CXXC5: variants seen among roughly 807,000 people sequenced by gnomAD.
The protein encoded by CXXC5 is CXXC finger protein 5, also known as CXXC-type zinc finger protein 5.
In CXXC5, 2 loss-of-function variants were observed where a neutral mutation model predicts 17.6. That is an observed-to-expected ratio of 0.11 (90% CI 0.05 to 0.36). The LOEUF (loss-of-function observed/expected upper bound fraction) is 0.36. Among genes scored for constraint, CXXC5 ranks in the 10% least tolerant of loss-of-function variants. The pLI is 1.00. For missense variants in CXXC5, 343 were observed against 458.3 expected (o/e 0.75, Z 2.30); for synonymous variants, 171 against 193.0 (o/e 0.89, Z 0.94).
chr5:139,674,332 G>T (rs1471001147), intron 1 of CXXC5, among the ~76,000 whole-genome samples: 6 of 152,182 alleles, frequency 3.9e-5, no homozygotes, highest in Non-Finnish European at 8.8e-5. Flanking sequence ...CCCACCATCA[G>T]CCTGTCTGCG....
At chr5:139,679,196 CAGGCCCT>C (rs575505011) in intron 1 of CXXC5, among the ~76,000 whole-genome samples, 15 of 152,354 alleles carry the variant, frequency 9.8e-5, no homozygotes, top group Admixed American at 9.8e-4. Context: ...GACCTCCACC[CAGGCCCT>C]ACTCTGCAGG....
At chr5:139,675,528 T>G (rs1756734583) in intron 1 of CXXC5, 1 of 151,912 alleles carries the variant, frequency 6.6e-6, no homozygotes, top group Admixed American at 6.6e-5. Flanking sequence ...CACGGAGAGG[T>G]GACAGGCACG....
At chr5:139,660,906 C>A (rs1755766739) in intron 1 of CXXC5, among the ~76,000 whole-genome samples, 3 of 125,870 alleles carry the variant, frequency 2.4e-5, no homozygotes, top group Non-Finnish European at 3.2e-5. Flanking sequence ...GCGGGCCTGT[C>A]CCCTGAGGGG....
chr5:139,678,199 C>T (rs1756970415), intron 1 of CXXC5, among the ~76,000 whole-genome samples: 1 of 152,226 alleles, frequency 6.6e-6, no homozygotes, highest in Non-Finnish European at 1.5e-5. Context: ...GTTTTTGTCC[C>T]TGATCTCACT....
In CXXC5 at chr5:139,683,219, G is replaced by T; in HGVS notation, c.*312G>T. 3.8e-6 allele frequency: 1 copy of T among 265,428 alleles called. No homozygotes were observed. The highest frequency in any genetic ancestry group is 7.0e-5 in the East Asian group (1 of 14,326). 16.4% of individuals were successfully genotyped at this position (265,428 alleles called of 1,614,324 possible). On this transcript the variant is annotated 3_prime_UTR_variant, in exon 3 of 3. Transcript: ENST00000302517. ...AGAATGGACAATCAGTTTCCTTCCTGTGTCGATGTCGATGTTGTCTGTGCA... is the reference window on the plus strand; with the variant it reads ...AGAATGGACAATCAGTTTCCTTCCTTTGTCGATGTCGATGTTGTCTGTGCA...
chr5:139,675,477 T>G (rs1422189433), intron 1 of CXXC5: 1 of 151,994 alleles, frequency 6.6e-6, no homozygotes, highest in Non-Finnish European at 1.5e-5. Flanking sequence ...GTGCCCCAGG[T>G]GGGGGCACTC....
chr5:139,658,714 C>T lies in CXXC5; in HGVS notation c.-161+9869C>T, dbSNP rs1755622176. The stretch of plus-strand genomic sequence containing the variant: ...AGGGCCGGGCGGCTTCCCAGCTCCC[C>T]CTCTGACTCATGGCCGCCTGCAGCT... On this transcript the variant is annotated intron_variant, in intron 1 of 2. Coordinates refer to ENST00000302517, the MANE Select transcript of CXXC5 (RefSeq NM_016463.9). This position sits in a 1 kb window ranked among gnomAD's most constrained non-coding sequence, Gnocchi z 4.1. Among the ~76,000 whole-genome samples the T allele has an allele frequency of 6.6e-6, 1 of 152,376 alleles. No individual in the cohort carries two copies. Among genetic ancestry groups the T allele is most frequent in the South Asian group, 2.1e-4 (1 of 4,834 alleles).
intron 1 of CXXC5, among the ~76,000 whole-genome samples, chr5:139,667,162 A>T (rs527297324): frequency 6.6e-6 from 1 of 152,154 alleles, no homozygotes; most frequent in South Asian, 2.1e-4. Flanking sequence ...TCAAGGTCCA[A>T]CCCCAGTCTT....
Position 139,681,436 on chromosome 5 carries a change from G to T in CXXC5, c.913G>T (p.Ala305Ser). 6.3e-7 allele frequency: 1 copy of T among 1,576,844 alleles called. No individual in the cohort carries two copies. Residue 305 changes from alanine (A) to serine (S), a missense_variant, in exon 2 of 3, where the codon GCT (alanine) becomes TCT (serine). Around this residue, in one of 4 missense-constraint regions of CXXC5, gnomAD observed 23 missense variants for 31.0 expected, o/e 0.74. Transcript: ENST00000302517. ...TGAGGAACTCAAAAAGAAGCCTTCC[G>T]CTGCTCTGGAGGTAACGGCGCCTTA... ...KCEELKKKPSAALEKVMLPTG... is the reference protein window; with the variant it reads ...KCEELKKKPSSALEKVMLPTG...
chr5:139,681,329 G>A lies in CXXC5; in HGVS notation c.806G>A (p.Cys269Tyr). Residue 269 changes from cysteine (C) to tyrosine (Y), a missense_variant, in exon 2 of 3, where the codon TGC (cysteine) becomes TAC (tyrosine). By Grantham distance (194) the Cys-to-Tyr change is radical (BLOSUM62 -2). Around this residue, in one of 4 missense-constraint regions of CXXC5, gnomAD observed 21 missense variants for 41.0 expected, o/e 0.51. Transcript: ENST00000302517. ...KRKRCGMCAP[C>Y]RRRINCEQCS... ...AAACGCTGCGGCATGTGCGCGCCCTGCCGGCGGCGCATCAACTGCGAGCAG... is the reference window on the plus strand; with the variant it reads ...AAACGCTGCGGCATGTGCGCGCCCTACCGGCGGCGCATCAACTGCGAGCAG... 6.2e-7 allele frequency: 1 copy of A among 1,612,588 alleles called. No homozygotes were observed. The highest frequency in any genetic ancestry group is 8.5e-7 in the Non-Finnish European group (1 of 1,179,716).
intron 1 of CXXC5, among the ~76,000 whole-genome samples, chr5:139,660,499 A>G (rs1755736201): frequency 6.6e-6 from 1 of 152,190 alleles, no homozygotes; most frequent in Admixed American, 6.5e-5. Context: ...AGGGGACCTC[A>G]GCCCTTATCT....
intron 1 of CXXC5, among the ~76,000 whole-genome samples, chr5:139,657,080 G>A (rs1055323660): frequency 2.2e-4 from 34 of 152,222 alleles, no homozygotes; most frequent in Admixed American, 2.2e-3. Context: ...GTAGCCCAAC[G>A]AAAGTCCTCT....
chr5:139,670,813 C>A lies in CXXC5; in HGVS notation c.-160-9551C>A, dbSNP rs1756422008. On this transcript the variant is annotated intron_variant, in intron 1 of 2. Coordinates refer to ENST00000302517, the MANE Select transcript of CXXC5 (RefSeq NM_016463.9). The surrounding 1 kb of genome is among the most constrained non-coding windows in gnomAD (Gnocchi z 4.2). ...CATGATCCCCATATATGCTTTAATG[C>A]TGTGGTCTGTAGAGGGCGACATCTT... 6.6e-6 allele frequency among the ~76,000 whole-genome samples: 1 copy of A among 152,228 alleles called. No homozygotes were observed. Among genetic ancestry groups the A allele is most frequent in the African/African-American group, 2.4e-5 (1 of 41,450 alleles).
rs761821894 is a variant in CXXC5 at position 139,680,702 on chromosome 5, A to G, written c.179A>G (p.Asn60Ser). The change falls in exon 2 of 3, where the codon AAC (asparagine) becomes AGC (serine). Residue 60 changes from asparagine to serine, a missense_variant. This residue lies in a region of CXXC5 where 297 missense variants were observed against 363.4 expected (regional missense o/e 0.82). Coordinates refer to ENST00000302517, the MANE Select transcript of CXXC5 (RefSeq NM_016463.9). ...ADDTPPPERR[N>S]KSGIISEPLN... ...GACACACCACCCCCCGAGCGTCGGAACAAGAGCGGTATCATCAGTGAGCCC... is the reference window on the plus strand; with the variant it reads ...GACACACCACCCCCCGAGCGTCGGAGCAAGAGCGGTATCATCAGTGAGCCC... 3 of 1,613,436 alleles carry G rather than the reference A, an allele frequency of 1.9e-6. No individual in the cohort carries two copies. Among genetic ancestry groups the G allele is most frequent in the Admixed American group, 3.3e-5 (2 of 60,036 alleles).
chr5:139,670,860 C>G lies in CXXC5; in HGVS notation c.-160-9504C>G, dbSNP rs1756424896. On this transcript the variant is annotated intron_variant, in intron 1 of 2. Coordinates refer to ENST00000302517, the MANE Select transcript of CXXC5 (RefSeq NM_016463.9). This position sits in a 1 kb window ranked among gnomAD's most constrained non-coding sequence, Gnocchi z 4.2. ...TCTTGAGACTACACACTCAACCGGG[C>G]ACATTCACAGTCCACTGGACACACA... Among the ~76,000 whole-genome samples the G allele has an allele frequency of 6.6e-6, 1 of 152,214 alleles. No homozygotes were observed. The highest frequency in any genetic ancestry group is 2.1e-4 in the South Asian group (1 of 4,834).
chr5:139,680,696 G>T lies in CXXC5; in HGVS notation c.173G>T (p.Arg58Leu). ...SVADDTPPPE[R>L]RNKSGIISEP... ...GCAGATGACACACCACCCCCCGAGC[G>T]TCGGAACAAGAGCGGTATCATCAGT... The change falls in exon 2 of 3, where the codon CGT becomes CTT. Residue 58 changes from arginine to leucine, a missense_variant. Transcript: ENST00000302517. The T allele has an allele frequency of 1.2e-6, 2 of 1,613,420 alleles. No individual in the cohort carries two copies. The highest frequency in any genetic ancestry group is 1.7e-6 in the Non-Finnish European group (2 of 1,180,026).
At chr5:139,678,596 G>A (rs1270179784) in intron 1 of CXXC5, among the ~76,000 whole-genome samples, 1 of 152,162 alleles carries the variant, frequency 6.6e-6, no homozygotes, top group Non-Finnish European at 1.5e-5. Flanking sequence ...CCCACACCCG[G>A]TCCTCTTTGG....
chr5:139,668,350 G>T lies in CXXC5; in HGVS notation c.-160-12014G>T, dbSNP rs1581598374. On this transcript the variant is annotated intron_variant, in intron 1 of 2. Coordinates refer to ENST00000302517, the MANE Select transcript of CXXC5 (RefSeq NM_016463.9). This position sits in a 1 kb window ranked among gnomAD's most constrained non-coding sequence, Gnocchi z 4.1. ...CCGCCGCGGCTCAGGGCGCCTCCCG[G>T]CTCCCTGCCGCCTCCCAGCCGGACG... is the stretch of plus-strand genomic sequence containing the variant. 6.6e-6 allele frequency among the ~76,000 whole-genome samples: 1 copy of T among 151,924 alleles called. No homozygotes were observed. The highest frequency in any genetic ancestry group is 2.4e-5 in the African/African-American group (1 of 41,404).
rs1015160339 is a variant in CXXC5 at position 139,653,854 on chromosome 5, C to T, written c.-161+5009C>T. 4.6e-5 allele frequency among the ~76,000 whole-genome samples: 7 copies of T among 152,034 alleles called. No homozygotes were observed. In the East Asian group the frequency reaches 5.8e-4, roughly 13 times the overall value. On this transcript the variant is annotated intron_variant, in intron 1 of 2. Transcript: ENST00000302517. ...CTGGCCTCCCTCTGGGCTCACAGGGCCTAGGAGGGAGGGAGGGGATCCTGC... is the reference window on the plus strand; with the variant it reads ...CTGGCCTCCCTCTGGGCTCACAGGGTCTAGGAGGGAGGGAGGGGATCCTGC...
Sources: allele counts gnomAD v4.1 joint callset (sites outside exome capture counted in the v4.1 genomes callset), GRCh38; gene constraint gnomAD v4.1.1; regional missense constraint gnomAD v4.1.1; non-coding constraint Gnocchi (gnomAD v3.1); transcripts MANE v1.5; gene names NCBI Gene and HGNC (gene_info 2026-07-23, HGNC 2026-07-21).